The following ADAM9 variants were observed in gnomAD, a reference collection of about 807,000 sequenced individuals.
The protein encoded by ADAM9 is disintegrin and metalloproteinase domain-containing protein 9.
A neutral mutation model predicts 108.1 loss-of-function variants in ADAM9; 54 were observed. That is an observed-to-expected ratio of 0.50 (90% confidence interval 0.40 to 0.63). ADAM9 has a LOEUF of 0.63. ADAM9 is among the 20% of genes least tolerant of loss of function. ADAM9 has a pLI of 0.00. For missense variants in ADAM9, 830 were observed against 997.7 expected (o/e 0.83, Z 2.26); for synonymous variants, 316 against 336.0 (o/e 0.94, Z 0.65).
intron 14 of ADAM9, among the ~76,000 whole-genome samples, chr8:39,069,380 G>A (rs1838603213): frequency 6.6e-6 from 1 of 152,164 alleles, no homozygotes; most frequent in African/African-American, 2.4e-5. Context: ...TATAGGTCTA[G>A]TTTTCATTCC....
chr8:39,082,705 A>C lies in ADAM9; in HGVS notation c.1946A>C (p.Lys649Thr), dbSNP rs769763130. The change falls in exon 17 of 22, where the codon AAG (lysine) becomes ACG (threonine). Residue 649 changes from lysine (K) to threonine (T), a missense_variant. Lys to Thr is a moderately conservative substitution (Grantham distance 78, BLOSUM62 -1). Transcript: ENST00000487273. ...AATTATGACTGTGATGTTCAGAAAA[A>C]GTGTCATGGACATGGGGTAGGTAAT... is the stretch of plus-strand genomic sequence containing the variant. The part of the protein sequence containing the change: ...VLNYDCDVQK[K>T]CHGHGVCNSN... The C allele has an allele frequency of 3.7e-6, 6 of 1,613,172 alleles. No homozygotes were observed. The highest frequency in any genetic ancestry group is 5.1e-6 in the Non-Finnish European group (6 of 1,179,594).
At chr8:39,070,556 TGCAACATAG>T (rs1034457461) in intron 14 of ADAM9, among the ~76,000 whole-genome samples, 23 of 152,152 alleles carry the variant, frequency 1.5e-4, no homozygotes, top group Non-Finnish European at 3.4e-4. Flanking sequence ...ATATGCATTT[TGCAACATAG>T]GCAACATAGC....
rs146465546 is a variant in ADAM9 at position 39,045,363 on chromosome 8, G to T, written c.1302+3246G>T. Among the ~76,000 whole-genome samples, 76 of 40,140 alleles carry T rather than the reference G, an allele frequency of 1.9e-3. 10 individuals are homozygous for T. The highest frequency in any genetic ancestry group is 4.4e-3 in the Admixed American group (13 of 2,964). 26.3% of individuals were successfully genotyped at this position (40,140 alleles called of 152,430 possible). The stretch of plus-strand genomic sequence containing the variant: ...CTATACATGTGTGTACATACATATA[G>T]GTGTGTGTACATACACCTATAGGTG... On this transcript the variant is annotated intron_variant, in intron 12 of 21. Coordinates refer to ENST00000487273, the MANE Select transcript of ADAM9 (RefSeq NM_003816.3).
chr8:39,044,476 G>T (rs771051687), intron 12 of ADAM9, among the ~76,000 whole-genome samples: 33 of 151,976 alleles, frequency 2.2e-4, no homozygotes, highest in Non-Finnish European at 4.4e-4. Flanking sequence ...GATTCAGGGG[G>T]TACATATGTA....
chr8:39,088,296 C>T (rs1479918330), intron 18 of ADAM9, among the ~76,000 whole-genome samples: 2 of 149,776 alleles, frequency 1.3e-5, no homozygotes, highest in Admixed American at 6.7e-5. Context: ...GATGGAGTCT[C>T]GCTCTGTTGC....
chr8:39,097,282 G>C lies in ADAM9; in HGVS notation c.2299-4581G>C, dbSNP rs73604714. Among the ~76,000 whole-genome samples the C allele has an allele frequency of 8.0e-3, 1,212 of 151,498 alleles. 24 individuals carry two copies. The highest frequency in any genetic ancestry group is 0.028 in the African/African-American group (1,150 of 41,268). ...AGTTTCTACTCAAGAGCACCCCCAG[G>C]TGTCTGTGATACTGTGGTCTCTCTG... On this transcript the variant is annotated intron_variant, in intron 20 of 21. Coordinates refer to ENST00000487273, the MANE Select transcript of ADAM9 (RefSeq NM_003816.3).
intron 14 of ADAM9, among the ~76,000 whole-genome samples, chr8:39,068,044 T>G (rs999870626): frequency 6.6e-6 from 1 of 152,236 alleles, no homozygotes; most frequent in Non-Finnish European, 1.5e-5. Flanking sequence ...TGCTGGATTA[T>G]GTTTATTGAT....
chr8:39,024,052 G>T (rs534768072), intron 9 of ADAM9, among the ~76,000 whole-genome samples: 1 of 152,068 alleles, frequency 6.6e-6, no homozygotes, highest in Non-Finnish European at 1.5e-5. Flanking sequence ...AATTGTATCC[G>T]TGAAATCCTT....
chr8:39,000,810 T>A (rs756193356), intron 1 of ADAM9, among the ~76,000 whole-genome samples: 14 of 152,184 alleles, frequency 9.2e-5, no homozygotes, highest in Non-Finnish European at 1.6e-4. Context: ...CCTTAGAAAT[T>A]AACTTGGTCC....
chr8:39,043,926 T>C (rs1588372410), intron 12 of ADAM9, among the ~76,000 whole-genome samples: 1 of 152,174 alleles, frequency 6.6e-6, no homozygotes, highest in African/African-American at 2.4e-5. Flanking sequence ...ATTAACCCAT[T>C]TTAAATCAGG....
intron 14 of ADAM9, among the ~76,000 whole-genome samples, chr8:39,063,009 A>G (rs1838345759): frequency 6.6e-6 from 1 of 152,200 alleles, no homozygotes; most frequent in South Asian, 2.1e-4. Flanking sequence ...AAACTGTTAG[A>G]GACCTTTCTA....
chr8:39,037,116 G>A (rs1447371447), intron 11 of ADAM9, among the ~76,000 whole-genome samples: 7 of 138,722 alleles, frequency 5.0e-5, no homozygotes, highest in Non-Finnish European at 1.1e-4. Context: ...GAGTGCAGTG[G>A]CGCAGTCTCG....
At chr8:39,075,306 T>C (rs1007961746) in intron 15 of ADAM9, among the ~76,000 whole-genome samples, 2 of 152,196 alleles carry the variant, frequency 1.3e-5, no homozygotes, top group African/African-American at 4.8e-5. Context: ...CTGGGTAGTC[T>C]TATTAATATT....
chr8:39,099,508 G>A (rs1423581422), intron 20 of ADAM9, among the ~76,000 whole-genome samples: 3 of 152,042 alleles, frequency 2.0e-5, no homozygotes, highest in East Asian at 1.9e-4. Flanking sequence ...TTTAATAACC[G>A]CATGCTGTTC....
intron 1 of ADAM9, among the ~76,000 whole-genome samples, chr8:39,004,815 A>C (rs1046330146): frequency 2.0e-5 from 3 of 152,212 alleles, no homozygotes; most frequent in African/African-American, 7.2e-5. Context: ...GTCTTTTAGC[A>C]TGCTAATGTA....
intron 11 of ADAM9, among the ~76,000 whole-genome samples, chr8:39,032,403 T>A (rs535925389): frequency 3.9e-5 from 6 of 152,362 alleles, no homozygotes; most frequent in African/African-American, 1.4e-4. Context: ...CCTGCCAGGC[T>A]GCTGCCTCAC....
At chr8:39,043,767 C>T (rs1837527344) in intron 12 of ADAM9, among the ~76,000 whole-genome samples, 1 of 152,112 alleles carries the variant, frequency 6.6e-6, no homozygotes, top group Admixed American at 6.6e-5. Context: ...TTTCAGCCCT[C>T]ACACCCCTCC....
At chr8:39,089,594 A>C (rs1839285557) in intron 18 of ADAM9, among the ~76,000 whole-genome samples, 1 of 152,220 alleles carries the variant, frequency 6.6e-6, no homozygotes, top group African/African-American at 2.4e-5. Context: ...GGTAGTAGCA[A>C]AAGATTGGAA....
At chr8:39,049,043 TG>T (rs1837868969) in intron 12 of ADAM9, among the ~76,000 whole-genome samples, 1 of 151,440 alleles carries the variant, frequency 6.6e-6, no homozygotes, top group Non-Finnish European at 1.5e-5. Flanking sequence ...TATGTGTTTT[TG>T]TTGGGGAGTT....
Sources: gnomAD v4.1 joint callset for allele counts (sites outside exome capture counted in the v4.1 genomes callset) on GRCh38, gnomAD v4.1.1 for gene constraint, MANE v1.5 for transcripts, NCBI Gene and HGNC (gene_info 2026-07-23, HGNC 2026-07-21) for gene names.